The following GRM7 variants were observed in gnomAD, a reference collection of about 807,000 sequenced individuals.
GRM7 encodes the protein metabotropic glutamate receptor 7.
GRM7 carries 35 observed loss-of-function variants against 84.5 expected under a neutral mutation model. That is an observed-to-expected ratio of 0.41 (90% CI 0.32 to 0.55). GRM7 has a LOEUF of 0.55. GRM7 is among the 20% of genes least tolerant of loss of function. The pLI is 0.19. For missense variants in GRM7, 1,003 were observed against 1,194.6 expected, an observed-to-expected ratio of 0.84 and a Z score of 2.36; for synonymous variants, 487 against 455.1, an observed-to-expected ratio of 1.07 and a Z score of -0.89.
intron 9 of GRM7, among the ~76,000 whole-genome samples, chr3:7,731,758 G>C (rs1381731844): frequency 6.6e-6 from 1 of 152,104 alleles, no homozygotes; most frequent in Non-Finnish European, 1.5e-5. Context: ...CTGGCCTTTT[G>C]AGATAGCTTT....
intron 5 of GRM7, among the ~76,000 whole-genome samples, chr3:7,422,554 A>C (rs1190757986): frequency 1.3e-5 from 2 of 151,898 alleles, no homozygotes; most frequent in African/African-American, 4.8e-5. Context: ...CTCATCTGTC[A>C]CTCCTGAATG....
intron 1 of GRM7, among the ~76,000 whole-genome samples, chr3:6,979,222 C>G (rs1212507347): frequency 6.6e-6 from 1 of 152,084 alleles, no homozygotes; most frequent in Non-Finnish European, 1.5e-5. Context: ...TAAACATTAA[C>G]AAGGGAGTGA....
chr3:7,037,321 C>G (rs992275800), intron 1 of GRM7, among the ~76,000 whole-genome samples: 1 of 152,096 alleles, frequency 6.6e-6, no homozygotes, highest in African/African-American at 2.4e-5. Context: ...TAATACATTA[C>G]AAAGTTAGGA....
At chr3:7,095,700 C>T (rs1698831298) in intron 1 of GRM7, among the ~76,000 whole-genome samples, 1 of 152,026 alleles carries the variant, frequency 6.6e-6, no homozygotes, top group Non-Finnish European at 1.5e-5. Context: ...TATAAAGCAT[C>T]ATAGAGAGTG....
chr3:7,323,262 T>C (rs1395625724), intron 4 of GRM7, among the ~76,000 whole-genome samples: 1 of 152,154 alleles, frequency 6.6e-6, no homozygotes, highest in African/African-American at 2.4e-5. Flanking sequence ...CTATCCCACA[T>C]AGTGCATCTT....
chr3:7,601,561 G>C (rs1281328727), intron 8 of GRM7, among the ~76,000 whole-genome samples: 2 of 152,098 alleles, frequency 1.3e-5, no homozygotes, highest in African/African-American at 4.8e-5. Context: ...TAGAAGAAAA[G>C]ATGCAGCAAA....
At position 7,151,921 on chromosome 3, in the gene GRM7, TTTTC is replaced by T. The variant is rs1156547378; in HGVS notation, c.736+5259_736+5262del. On this transcript the variant is annotated intron_variant, in intron 2 of 9. Coordinates refer to ENST00000357716, the MANE Select transcript of GRM7 (RefSeq NM_000844.4). The surrounding 1 kb of genome is among the most constrained non-coding windows in gnomAD (Gnocchi z 4.5). ...CCATCTATATTGAATTCTGTTTTTT[TTTTC>T]TTTCTGTCTATGTCATGGTGATTAT... Among the ~76,000 whole-genome samples the T allele has an allele frequency of 2.6e-5, 4 of 152,094 alleles. No homozygotes were observed. The highest frequency in any genetic ancestry group is 9.7e-5 in the African/African-American group (4 of 41,408).
chr3:7,124,946 C>CTT (rs781637077), intron 1 of GRM7, among the ~76,000 whole-genome samples: 1 of 151,762 alleles, frequency 6.6e-6, no homozygotes. Flanking sequence ...TTAATAGTTT[C>CTT]TTTTCTTTTT....
At chr3:7,346,671 G>T (rs1470783495) in intron 4 of GRM7, among the ~76,000 whole-genome samples, 2 of 151,476 alleles carry the variant, frequency 1.3e-5, no homozygotes, top group Non-Finnish European at 1.5e-5. Flanking sequence ...TCTTCCTATT[G>T]TACTAAGTGA....
chr3:7,542,651 G>A lies in GRM7; in HGVS notation c.1516-35771G>A, dbSNP rs144508650. Among the ~76,000 whole-genome samples, 640 of 150,982 alleles carry A rather than the reference G, an allele frequency of 4.2e-3. 3 individuals carry two copies. The highest frequency in any genetic ancestry group is 6.6e-3 in the Non-Finnish European group (446 of 67,906). On this transcript the variant is annotated intron_variant, in intron 7 of 9. Coordinates refer to ENST00000357716, the MANE Select transcript of GRM7 (RefSeq NM_000844.4). ...CAAACTTCACCTCCCGGGTTCAAGC[G>A]AATCTCCTGCCTCAGCCTCCCAAAT...
At chr3:7,433,410 G>C (rs1405442093) in intron 5 of GRM7, among the ~76,000 whole-genome samples, 1 of 152,124 alleles carries the variant, frequency 6.6e-6, no homozygotes, top group Non-Finnish European at 1.5e-5. Flanking sequence ...CCTCTTGTGG[G>C]ATGTTGTCCC....
chr3:7,112,870 A>G (rs751927711), intron 1 of GRM7, among the ~76,000 whole-genome samples: 22 of 152,320 alleles, frequency 1.4e-4, no homozygotes, highest in Non-Finnish European at 2.2e-4. Flanking sequence ...ACATCAAACA[A>G]TAGGACTACC....
intron 1 of GRM7, among the ~76,000 whole-genome samples, chr3:6,917,366 T>TA (rs5846476): frequency 0.55 from 83,886 of 151,846 alleles, 25,401 homozygotes; most frequent in African/African-American, 0.83. Flanking sequence ...CATATAAGGT[T>TA]AAATAAAATT....
rs550236451 is a variant in GRM7 at position 7,013,659 on chromosome 3, T to TGAGTGCCTGC, written c.520-132792_520-132783dup. 1.6e-3 allele frequency among the ~76,000 whole-genome samples: 248 copies of TGAGTGCCTGC among 152,290 alleles called. 1 individual carries two copies. The highest frequency in any genetic ancestry group is 5.7e-3 in the African/African-American group (237 of 41,560). ...AAACTAGCGTGGTGGTGCGTGCCTG[T>TGAGTGCCTGC]GAGTGCCTGCAGTCCCAGCAACTCA... is the stretch of plus-strand genomic sequence containing the variant. On this transcript the variant is annotated intron_variant, in intron 1 of 9. Transcript: ENST00000357716.
At chr3:7,424,846 A>T (rs1696539073) in intron 5 of GRM7, among the ~76,000 whole-genome samples, 1 of 152,174 alleles carries the variant, frequency 6.6e-6, no homozygotes, top group African/African-American at 2.4e-5. Flanking sequence ...AACAAGTAAG[A>T]CGCTGAGCTA....
At chr3:7,320,990 A>T (rs9855012) in intron 4 of GRM7, among the ~76,000 whole-genome samples, 42,819 of 151,660 alleles carry the variant, frequency 0.28, 9,963 homozygotes, top group African/African-American at 0.64. Flanking sequence ...TTTTTGCACA[A>T]TTTTTTCAGC....
intron 2 of GRM7, among the ~76,000 whole-genome samples, chr3:7,168,316 C>T (rs1213978259): frequency 4.6e-5 from 7 of 152,108 alleles, no homozygotes; most frequent in African/African-American, 1.7e-4. Context: ...ATTCTTTCCC[C>T]TCCAATTTCA....
intron 2 of GRM7, among the ~76,000 whole-genome samples, chr3:7,184,354 T>G (rs1288452816): frequency 6.6e-6 from 1 of 152,066 alleles, no homozygotes; most frequent in Non-Finnish European, 1.5e-5. Flanking sequence ...TAATCAAATT[T>G]ATTATCAATT....
Position 7,357,186 on chromosome 3 carries a change from A to G in GRM7, c.1033+50534A>G, listed in dbSNP as rs139272645. Among the ~76,000 whole-genome samples the G allele has an allele frequency of 6.1e-3, 933 of 152,090 alleles. 6 individuals carry two copies. Among genetic ancestry groups the G allele is most frequent in the African/African-American group, 0.021 (881 of 41,530 alleles). ...AAAGGTTCTGTTTTCTAGCATAAGC[A>G]TTTGTATAATCTAAACTCCAAGACA... On this transcript the variant is annotated intron_variant, in intron 4 of 9. Transcript: ENST00000357716.
Sources: allele counts gnomAD v4.1 joint callset (sites outside exome capture counted in the v4.1 genomes callset), GRCh38; gene constraint gnomAD v4.1.1; non-coding constraint Gnocchi (gnomAD v3.1); transcripts MANE v1.5; gene names NCBI Gene and HGNC (gene_info 2026-07-23, HGNC 2026-07-21).